Variants in NHS observed in about 807,000 individuals in gnomAD.
NHS encodes NHS actin remodeling regulator, also known as actin remodeling regulator NHS.
In NHS, 5 loss-of-function variants were observed where a neutral mutation model predicts 72.5. The observed-to-expected ratio is 0.07, with a 90% confidence interval of 0.04 to 0.14. NHS has a LOEUF of 0.14. Among genes scored for constraint, NHS ranks in the 10% least tolerant of loss-of-function variants. The pLI is 1.00. For missense variants in NHS, 1,072 were observed against 1,355.7 expected (o/e 0.79, Z 3.29); for synonymous variants, 464 against 547.7 (o/e 0.85, Z 2.13).
intron 1 of NHS, among the ~76,000 whole-genome samples, chrX:17,642,573 T>C (rs1231904174): frequency 8.9e-6 from 1 of 112,127 alleles, no homozygotes; most frequent in East Asian, 2.8e-4. Flanking sequence ...TGGTTAATAT[T>C]AGTTCGCTTC....
At chrX:17,459,752 G>A (rs2064839691) in intron 1 of NHS, among the ~76,000 whole-genome samples, 3 of 111,864 alleles carry the variant, frequency 2.7e-5, no homozygotes, top group Non-Finnish European at 3.8e-5. Context: ...GGATGTGTGG[G>A]TTTTTGTGAG....
chrX:17,552,847 C>T (rs1177971515), intron 1 of NHS, among the ~76,000 whole-genome samples: 1 of 112,856 alleles, frequency 8.9e-6, no homozygotes, highest in Non-Finnish European at 1.9e-5. Context: ...CCCAGACCTA[C>T]TGGATTTGAG....
In NHS at chrX:17,724,118, G is replaced by A. The variant is rs190825034; in HGVS notation, c.1109-181G>A. ...CTGTTGTGGAGAGCTGCATTTAGAA[G>A]TAAAGCTTAATGTACTGCAGCATAA... On this transcript the variant is annotated intron_variant, in intron 5 of 8. Transcript: ENST00000676302. Among the ~76,000 whole-genome samples the A allele has an allele frequency of 4.8e-3, 537 of 112,202 alleles. 4 individuals are homozygous for A. Among genetic ancestry groups the A allele is most frequent in the African/African-American group, 0.017 (518 of 30,853 alleles).
At chrX:17,410,503 C>T (rs1284956846) in intron 1 of NHS, among the ~76,000 whole-genome samples, 2 of 103,892 alleles carry the variant, frequency 1.9e-5, no homozygotes, top group South Asian at 8.9e-4. Context: ...ACCTTTCTGA[C>T]GGCAACTCTC....
chrX:17,705,633 T>A (rs1569313541), intron 3 of NHS: 1 of 113,358 alleles, frequency 8.8e-6, no homozygotes, highest in Non-Finnish European at 1.9e-5. Flanking sequence ...TTCGTAATCA[T>A]CAATGGGTCA....
intron 1 of NHS, among the ~76,000 whole-genome samples, chrX:17,408,954 GGAGA>G (rs369974924): frequency 0.076 from 7,863 of 103,313 alleles, 804 homozygotes; most frequent in African/African-American, 0.27. Flanking sequence ...GACGGAGAGA[GGAGA>G]GAGAGAGAGA....
At position 17,377,548 on chromosome X, in the gene NHS, C is replaced by G. The variant is rs2064353218; in HGVS notation, c.565+1226C>G. ...CGCAGTGGCCTAGGAGCGCGCGGGG[C>G]GGAGGCGCTTTGGAGGCATCCTTCC... is the stretch of plus-strand genomic sequence containing the variant. On this transcript the variant is annotated intron_variant, in intron 1 of 8. Coordinates refer to ENST00000676302, the MANE Select transcript of NHS (RefSeq NM_001291867.2). 3.5e-5 allele frequency among the ~76,000 whole-genome samples: 4 copies of G among 113,269 alleles called. No homozygotes were observed. In the Admixed American group the frequency reaches 3.7e-4, roughly 10 times the overall value.
chrX:17,468,784 G>A (rs1213523809), intron 1 of NHS, among the ~76,000 whole-genome samples: 2 of 111,273 alleles, frequency 1.8e-5, no homozygotes, highest in African/African-American at 3.3e-5. Flanking sequence ...CAAACTTCTG[G>A]ACTCAAGCAA....
intron 1 of NHS, among the ~76,000 whole-genome samples, chrX:17,435,506 A>T (rs1786500791): frequency 8.9e-6 from 1 of 112,139 alleles, no homozygotes; most frequent in Admixed American, 9.4e-5. Flanking sequence ...CTTCACAAGC[A>T]GTGAGGTTCT....
intron 1 of NHS, among the ~76,000 whole-genome samples, chrX:17,567,375 T>C (rs2065449906): frequency 1.8e-5 from 2 of 112,222 alleles, no homozygotes; most frequent in Admixed American, 9.4e-5. Flanking sequence ...TTCTCTGTGA[T>C]GACCTAAATG....
chrX:17,546,128 G>A (rs910232037), intron 1 of NHS, among the ~76,000 whole-genome samples: 1 of 111,935 alleles, frequency 8.9e-6, no homozygotes, highest in African/African-American at 3.2e-5. Flanking sequence ...TCTCAGAGGG[G>A]GTACAGTGAG....
chrX:17,476,955 A>G (rs1047635003), intron 1 of NHS, among the ~76,000 whole-genome samples: 1 of 112,238 alleles, frequency 8.9e-6, no homozygotes, highest in Non-Finnish European at 1.9e-5. Context: ...AGTGTCTGCT[A>G]TGGTAGCCAA....
chrX:17,621,606 T>G (rs1221365685), intron 1 of NHS, among the ~76,000 whole-genome samples: 2 of 111,995 alleles, frequency 1.8e-5, no homozygotes, highest in African/African-American at 6.5e-5. Flanking sequence ...CAACCTAGTC[T>G]GCTGCAATCT....
intron 1 of NHS, among the ~76,000 whole-genome samples, chrX:17,577,541 C>T (rs1191140866): frequency 9.0e-6 from 1 of 111,326 alleles, no homozygotes; most frequent in East Asian, 2.8e-4. Flanking sequence ...CCCTTAGCCA[C>T]CTGAATTTTA....
At chrX:17,581,912 T>C (rs1444043375) in intron 1 of NHS, among the ~76,000 whole-genome samples, 1 of 111,555 alleles carries the variant, frequency 9.0e-6, no homozygotes, top group Non-Finnish European at 1.9e-5. Context: ...GTGACGTTAA[T>C]CTCTCTTCCA....
At chrX:17,589,004 A>G (rs2065589387) in intron 1 of NHS, among the ~76,000 whole-genome samples, 1 of 111,974 alleles carries the variant, frequency 8.9e-6, no homozygotes, top group Non-Finnish European at 1.9e-5. Context: ...CCTCACCTGC[A>G]AAATTGAGAT....
chrX:17,500,850 C>T (rs1301588432), intron 1 of NHS, among the ~76,000 whole-genome samples: 1 of 111,672 alleles, frequency 9.0e-6, no homozygotes, highest in Non-Finnish European at 1.9e-5. Context: ...GAGTCCCTTA[C>T]CTGCTCCCAG....
At position 17,456,391 on chromosome X, in the gene NHS, G is replaced by C. The variant is rs773797676; in HGVS notation, c.565+80069G>C. On this transcript the variant is annotated intron_variant, in intron 1 of 8. Transcript: ENST00000676302. Reference sequence around the variant, plus strand: ...GGCAAATAATTATCTGCAGATCTGAGATTTCAAACAGGACAAGGGAGAGAG... The same window carrying C: ...GGCAAATAATTATCTGCAGATCTGACATTTCAAACAGGACAAGGGAGAGAG... Among the ~76,000 whole-genome samples the C allele has an allele frequency of 5.4e-5, 6 of 111,843 alleles. No individual in the cohort carries two copies. The East Asian group carries it at 1.7e-3, about 31-fold the overall frequency.
At position 17,381,336 on chromosome X, in the gene NHS, C is replaced by T. The variant is rs149001175; in HGVS notation, c.565+5014C>T. ...CATTCCCACAGAAAAGCGCACAGACCATAAGTGTTCGTCTTGGTTGATTTT... is the reference window on the plus strand; with the variant it reads ...CATTCCCACAGAAAAGCGCACAGACTATAAGTGTTCGTCTTGGTTGATTTT... On this transcript the variant is annotated intron_variant, in intron 1 of 8. Transcript: ENST00000676302. 7.6e-3 allele frequency among the ~76,000 whole-genome samples: 846 copies of T among 111,419 alleles called. 2 individuals carry two copies. Among genetic ancestry groups the T allele is most frequent in the Non-Finnish European group, 0.012 (657 of 53,021 alleles).
Sources: gnomAD v4.1 joint callset for allele counts (sites outside exome capture counted in the v4.1 genomes callset) on GRCh38, gnomAD v4.1.1 for gene constraint, MANE v1.5 for transcripts, NCBI Gene and HGNC (gene_info 2026-07-23, HGNC 2026-07-21) for gene names.